RPS6KA2: variants seen among roughly 807,000 people sequenced by gnomAD.
The protein encoded by RPS6KA2 is ribosomal protein S6 kinase A2, also known as ribosomal protein S6 kinase alpha-2.
A neutral mutation model predicts 91.8 loss-of-function variants in RPS6KA2; 42 were observed. That is an observed-to-expected ratio of 0.46 (90% CI 0.36 to 0.59). The LOEUF is 0.59. Ranked by LOEUF, RPS6KA2 falls within the 20% of genes least tolerant of loss-of-function variation. RPS6KA2 has a pLI of 0.00. For missense variants in RPS6KA2, 798 were observed against 978.5 expected (o/e 0.82, Z 2.46); for synonymous variants, 414 against 393.6 (o/e 1.05, Z -0.61).
chr6:166,750,798 G>C (rs1225736603), intron 2 of RPS6KA2, among the ~76,000 whole-genome samples: 1 of 152,208 alleles, frequency 6.6e-6, no homozygotes, highest in African/African-American at 2.4e-5. Context: ...CTCTAGCTGA[G>C]AATTGGTCTA....
chr6:166,489,071 TAA>T, intron 9 of RPS6KA2, 150 bp from the exon 10 acceptor site: 1 of 589,770 alleles, frequency 1.7e-6, no homozygotes, highest in Non-Finnish European at 3.0e-6. Flanking sequence ...TTTTATGCTT[TAA>T]AAGTTACTGA....
At chr6:166,524,962 C>T (rs886864072) in intron 3 of RPS6KA2, among the ~76,000 whole-genome samples, 4 of 152,162 alleles carry the variant, frequency 2.6e-5, no homozygotes, top group Admixed American at 6.5e-5. Context: ...TCAATTCTCG[C>T]GCTCAGACCA....
chr6:166,657,524 G>T (rs1304383553), intron 2 of RPS6KA2, among the ~76,000 whole-genome samples: 5 of 152,174 alleles, frequency 3.3e-5, no homozygotes, highest in Non-Finnish European at 7.4e-5. Flanking sequence ...CTAACGACAC[G>T]GAACCCTTGT....
At chr6:166,537,581 G>A (rs914127272) in intron 2 of RPS6KA2, among the ~76,000 whole-genome samples, 1 of 151,790 alleles carries the variant, frequency 6.6e-6, no homozygotes, top group African/African-American at 2.4e-5. Context: ...GGATTATCCA[G>A]AACACCGATG....
At chr6:166,492,046 C>T (rs3817779) in intron 8 of RPS6KA2, among the ~76,000 whole-genome samples, 7,989 of 152,082 alleles carry the variant, frequency 0.053, 477 homozygotes, top group African/African-American at 0.14. Context: ...CAGATGATTT[C>T]CTAAGATTTA....
At chr6:166,595,249 G>A (rs1287949126) in intron 1 of RPS6KA2, among the ~76,000 whole-genome samples, 1 of 151,878 alleles carries the variant, frequency 6.6e-6, no homozygotes, top group Non-Finnish European at 1.5e-5. Flanking sequence ...ACTGGGTTTC[G>A]TCATGCTGGC....
intron 2 of RPS6KA2, among the ~76,000 whole-genome samples, chr6:166,748,526 C>T (rs1222776349): frequency 2.0e-5 from 3 of 149,670 alleles, no homozygotes; most frequent in Admixed American, 1.3e-4. Flanking sequence ...GGGGGCCCCA[C>T]CTCCTCGGGC....
At chr6:166,570,357 C>A (rs1784651503) in intron 1 of RPS6KA2, among the ~76,000 whole-genome samples, 1 of 152,204 alleles carries the variant, frequency 6.6e-6, no homozygotes, top group South Asian at 2.1e-4. Context: ...GTCCTGCATG[C>A]CCCGAAGCTG....
chr6:166,614,289 A>T (rs998582040), intron 1 of RPS6KA2, among the ~76,000 whole-genome samples: 1 of 152,242 alleles, frequency 6.6e-6, no homozygotes, highest in Non-Finnish European at 1.5e-5. Flanking sequence ...GAGGCTGAAC[A>T]TCTGGCTCTG....
At chr6:166,793,047 A>G (rs1779134939) in intron 2 of RPS6KA2, among the ~76,000 whole-genome samples, 1 of 152,042 alleles carries the variant, frequency 6.6e-6, no homozygotes, top group Non-Finnish European at 1.5e-5. Context: ...TTCAATTAGG[A>G]AAAGAGGAAG....
In RPS6KA2 at chr6:166,755,468, G is replaced by A. The variant is rs1409710322; in HGVS notation, c.123+102732C>T. Among the ~76,000 whole-genome samples the A allele has an allele frequency of 2.0e-5, 3 of 151,886 alleles. No homozygotes were observed. In the East Asian group the frequency reaches 5.8e-4, roughly 29 times the overall value. ...AGATGTGTTTACCTACACAACTGGG[G>A]TTTATTTATTTATTTATTTATTTTG... On this transcript the variant is annotated intron_variant, in intron 2 of 21. Transcript: ENST00000503859.
At chr6:166,467,000 T>G (rs1223043038) in intron 11 of RPS6KA2, among the ~76,000 whole-genome samples, 1 of 152,114 alleles carries the variant, frequency 6.6e-6, no homozygotes, top group Non-Finnish European at 1.5e-5. Context: ...ACTCACTCAC[T>G]CCTTTACTCA....
chr6:166,781,955 T>A (rs1778784461), intron 2 of RPS6KA2, among the ~76,000 whole-genome samples: 1 of 152,148 alleles, frequency 6.6e-6, no homozygotes, highest in African/African-American at 2.4e-5. Context: ...TAGTGGCCAG[T>A]AGCATGTCCC....
intron 1 of RPS6KA2, among the ~76,000 whole-genome samples, chr6:166,593,910 C>T (rs1056462514): frequency 1.3e-5 from 2 of 152,156 alleles, no homozygotes; most frequent in Admixed American, 1.3e-4. Context: ...TCAGATAACT[C>T]AGGTAACACT....
chr6:166,494,358 C>T lies in RPS6KA2; in HGVS notation c.748-3617G>A, dbSNP rs543017698. On this transcript the variant is annotated intron_variant, in intron 8 of 20. Coordinates refer to ENST00000265678, the MANE Select transcript of RPS6KA2 (RefSeq NM_021135.6). This position sits in a 1 kb window ranked among gnomAD's most constrained non-coding sequence, Gnocchi z 5.1. ...TCACAACCGTCTACAGATGAATGGT[C>T]CAGTGGCAAGCAGCAGAGCCTGAGC... Among the ~76,000 whole-genome samples, 2 of 152,264 alleles carry T rather than the reference C, an allele frequency of 1.3e-5. No homozygotes were observed. The highest frequency in any genetic ancestry group is 4.1e-4 in the South Asian group (2 of 4,820).
chr6:166,491,996 T>A (rs1168596152), intron 8 of RPS6KA2, among the ~76,000 whole-genome samples: 1 of 152,204 alleles, frequency 6.6e-6, no homozygotes, highest in African/African-American at 2.4e-5. Context: ...CTTAGGACAT[T>A]TCCAATTTTC....
chr6:166,586,307 C>T, intron 1 of RPS6KA2: 2 of 1,599,100 alleles, frequency 1.3e-6, no homozygotes, highest in Non-Finnish European at 8.5e-7. Flanking sequence ...TGTCTTGCAA[C>T]CGATTGCCTC....
At chr6:166,679,827 G>A (rs1017089088) in intron 2 of RPS6KA2, among the ~76,000 whole-genome samples, 2 of 152,314 alleles carry the variant, frequency 1.3e-5, no homozygotes, top group South Asian at 2.1e-4. Flanking sequence ...CCAGGTGAGC[G>A]CGGCTCGGCA....
At chr6:166,681,350 C>T (rs1788801782) in intron 2 of RPS6KA2, among the ~76,000 whole-genome samples, 1 of 152,218 alleles carries the variant, frequency 6.6e-6, no homozygotes, top group East Asian at 1.9e-4. Flanking sequence ...GAGGCATAGC[C>T]AATGGCCTAG....
Sources: gnomAD v4.1 joint callset for allele counts (sites outside exome capture counted in the v4.1 genomes callset) on GRCh38, gnomAD v4.1.1 for gene constraint, Gnocchi (gnomAD v3.1) non-coding constraint, MANE v1.5 for transcripts, NCBI Gene and HGNC (gene_info 2026-07-23, HGNC 2026-07-21) for gene names.